The following SPATA17 variants were observed in gnomAD, a reference collection of about 807,000 sequenced individuals.
The protein encoded by SPATA17 is spermatogenesis-associated protein 17.
Under a neutral mutation model 62.2 loss-of-function variants are expected in SPATA17, and 53 were observed. The observed-to-expected ratio is 0.85, with a 90% confidence interval of 0.68 to 1.07. The LOEUF (loss-of-function observed/expected upper bound fraction) is 1.07. Ranked by LOEUF, SPATA17 falls within the 50% of genes least tolerant of loss-of-function variation. The pLI is 0.00. For missense variants in SPATA17, 466 were observed against 425.5 expected, an observed-to-expected ratio of 1.10 and a Z score of -0.84; for synonymous variants, 146 against 146.8, an observed-to-expected ratio of 0.99 and a Z score of 0.04.
chr1:217,843,135 C>G (rs1162491613), intron 9 of SPATA17, among the ~76,000 whole-genome samples: 2 of 152,000 alleles, frequency 1.3e-5, no homozygotes, highest in East Asian at 3.9e-4. Flanking sequence ...GTCCCAGGAT[C>G]TGGTCAATTC....
At chr1:217,692,491 C>G (rs1197509983) in intron 5 of SPATA17, among the ~76,000 whole-genome samples, 1 of 42,926 alleles carries the variant, frequency 2.3e-5, no homozygotes, top group East Asian at 9.1e-4. Context: ...ATTTCCTTCT[C>G]CTGCCTGATT....
At chr1:217,759,288 G>A (rs149588114) in intron 6 of SPATA17, among the ~76,000 whole-genome samples, 21 of 152,086 alleles carry the variant, frequency 1.4e-4, no homozygotes, top group African/African-American at 4.3e-4. Context: ...GCAAAACCCC[G>A]TCTCTACTAA....
intron 6 of SPATA17, among the ~76,000 whole-genome samples, chr1:217,747,946 C>T (rs1301302960): frequency 6.6e-6 from 1 of 152,170 alleles, no homozygotes; most frequent in Non-Finnish European, 1.5e-5. Flanking sequence ...AAAATGGTTT[C>T]AGCTACTTCT....
intron 9 of SPATA17, among the ~76,000 whole-genome samples, chr1:217,831,432 C>T (rs1571833144): frequency 6.6e-6 from 1 of 152,224 alleles, no homozygotes; most frequent in East Asian, 1.9e-4. Flanking sequence ...CTTGCATCGA[C>T]ACAGTTGGTC....
intron 5 of SPATA17, among the ~76,000 whole-genome samples, chr1:217,735,767 A>G (rs1014745639): frequency 4.6e-5 from 7 of 152,122 alleles, no homozygotes; most frequent in Non-Finnish European, 1.0e-4. Context: ...GACTATAAAA[A>G]TTATAAAGAT....
chr1:217,681,479 T>C (rs1418762084), intron 4 of SPATA17, among the ~76,000 whole-genome samples: 1 of 151,952 alleles, frequency 6.6e-6, no homozygotes, highest in Non-Finnish European at 1.5e-5. Flanking sequence ...GTTCAAGCGA[T>C]TCTTCTGCCT....
At chr1:217,797,192 G>C (rs1163819427) in intron 8 of SPATA17, among the ~76,000 whole-genome samples, 1 of 151,652 alleles carries the variant, frequency 6.6e-6, no homozygotes, top group African/African-American at 2.4e-5. Context: ...GCACGAACTG[G>C]TTATAACTCA....
intron 9 of SPATA17, among the ~76,000 whole-genome samples, chr1:217,815,968 A>T (rs1375825258): frequency 6.6e-6 from 1 of 152,096 alleles, no homozygotes. Flanking sequence ...TACTTCCATT[A>T]TGTATTATCG....
chr1:217,835,608 A>AATAC (rs1675242836), intron 9 of SPATA17, among the ~76,000 whole-genome samples: 1 of 152,142 alleles, frequency 6.6e-6, no homozygotes, highest in Admixed American at 6.6e-5. Flanking sequence ...TAAGTAAGTC[A>AATAC]ATACATGGAT....
At position 217,823,159 on chromosome 1, in the gene SPATA17, T is replaced by C. The variant is rs549902819; in HGVS notation, c.1005+21309T>C. Among the ~76,000 whole-genome samples the C allele has an allele frequency of 5.3e-5, 8 of 152,032 alleles. No individual in the cohort carries two copies. The South Asian group carries it at 1.0e-3, about 20-fold the overall frequency. On this transcript the variant is annotated intron_variant, in intron 9 of 10. Transcript: ENST00000366933. The stretch of plus-strand genomic sequence containing the variant: ...TTTTGTTTGGTTCTGCTAAGTGCCT[T>C]GTGACACTCCCCACCTAGGAACATA...
chr1:217,730,195 A>G (rs1672371543), intron 5 of SPATA17, among the ~76,000 whole-genome samples: 1 of 152,024 alleles, frequency 6.6e-6, no homozygotes, highest in Non-Finnish European at 1.5e-5. Context: ...AAGTAAAGCA[A>G]TGAACAATGT....
intron 5 of SPATA17, among the ~76,000 whole-genome samples, chr1:217,699,894 G>T (rs960346964): frequency 6.6e-6 from 1 of 151,982 alleles, no homozygotes; most frequent in African/African-American, 2.4e-5. Context: ...ATATCTAATT[G>T]TTCTAGCACC....
intron 3 of SPATA17, among the ~76,000 whole-genome samples, chr1:217,662,037 A>G (rs1670583253): frequency 6.6e-6 from 1 of 152,172 alleles, no homozygotes; most frequent in Non-Finnish European, 1.5e-5. Context: ...ATATCCTTTC[A>G]TTTGCTTCTT....
chr1:217,674,600 A>G (rs1670905155), intron 4 of SPATA17, among the ~76,000 whole-genome samples: 1 of 152,226 alleles, frequency 6.6e-6, no homozygotes, highest in Non-Finnish European at 1.5e-5. Context: ...TGTGTTGCCC[A>G]AGGGGAACAC....
chr1:217,690,860 G>A (rs1263398155), intron 5 of SPATA17, among the ~76,000 whole-genome samples: 3 of 144,364 alleles, frequency 2.1e-5, no homozygotes, highest in Non-Finnish European at 3.0e-5. Context: ...TGGTGTATAT[G>A]TGCCACATTT....
chr1:217,778,947 A>C (rs1241896052), intron 7 of SPATA17, among the ~76,000 whole-genome samples: 6 of 152,178 alleles, frequency 3.9e-5, no homozygotes, highest in Non-Finnish European at 8.8e-5. Context: ...CTATGTACAC[A>C]TATACCTATA....
intron 4 of SPATA17, 31 bp from the exon 5 acceptor site, chr1:217,683,227 G>A (rs1402280359): frequency 2.8e-6 from 4 of 1,450,954 alleles, no homozygotes; most frequent in South Asian, 1.2e-5. Flanking sequence ...GTGTTTAATG[G>A]CATATTTTAT....
rs145899365 is a variant in SPATA17, at chr1:217,651,167, C to G, written c.229C>G (p.Leu77Val). ...TTTCTTAGGCAGAAAGCAATATCAA[C>G]TAACTGTGCAGGTAAATATAAAATG... ...RSFLGRKQYQ[L>V]TVQVAYYTMM... Residue 77 changes from leucine to valine, a missense_variant, in exon 3 of 11, where the codon CTA becomes GTA. Transcript: ENST00000366933. 2.3e-5 allele frequency: 37 copies of G among 1,606,704 alleles called. No homozygotes were observed. The African/African-American group carries it at 5.0e-4, about 22-fold the overall frequency.
chr1:217,722,759 C>CA (rs1319422016), intron 5 of SPATA17, among the ~76,000 whole-genome samples: 3 of 152,180 alleles, frequency 2.0e-5, no homozygotes, highest in Admixed American at 6.5e-5. Context: ...CTGGTAATTC[C>CA]AAACTGTCTA....
Sources: gnomAD v4.1 joint callset for allele counts (sites outside exome capture counted in the v4.1 genomes callset) on GRCh38, gnomAD v4.1.1 for gene constraint, MANE v1.5 for transcripts, NCBI Gene and HGNC (gene_info 2026-07-23, HGNC 2026-07-21) for gene names.